LRRC4C: variants seen among roughly 807,000 people sequenced by gnomAD.
LRRC4C encodes the protein leucine-rich repeat-containing protein 4C.
LRRC4C carries 5 observed loss-of-function variants against 33.6 expected under a neutral mutation model. The observed-to-expected ratio is 0.15, with a 90% CI of 0.08 to 0.31. The LOEUF (loss-of-function observed/expected upper bound fraction) is 0.31, where lower values mean the gene tolerates loss of function less well. Ranked by LOEUF, LRRC4C falls within the 10% of genes least tolerant of loss-of-function variation. LRRC4C has a pLI of 1.00. For missense variants in LRRC4C, 560 were observed against 796.7 expected, an observed-to-expected ratio of 0.70 and a Z score of 3.58; for synonymous variants, 329 against 302.0, an observed-to-expected ratio of 1.09 and a Z score of -0.93.
intron 1 of LRRC4C, among the ~76,000 whole-genome samples, chr11:40,953,464 A>C (rs1958808990): frequency 6.6e-6 from 1 of 151,888 alleles, no homozygotes. Flanking sequence ...ACCTCTGAAT[A>C]CATTGCATTA....
intron 1 of LRRC4C, chr11:41,394,583 TA>T (rs1053229444): frequency 6.6e-6 from 1 of 151,960 alleles, no homozygotes; most frequent in Non-Finnish European, 1.5e-5. Flanking sequence ...ATCCTTGTGG[TA>T]AAAAACACCA....
chr11:40,644,946 GT>G (rs10653957), intron 3 of LRRC4C, among the ~76,000 whole-genome samples: 100 of 145,608 alleles, frequency 6.9e-4, no homozygotes, highest in East Asian at 5.6e-3. Flanking sequence ...GGATCTCTGT[GT>G]TTTTTTTTTT....
intron 2 of LRRC4C, among the ~76,000 whole-genome samples, chr11:40,905,048 G>T (rs1956359925): frequency 1.3e-5 from 2 of 152,030 alleles, no homozygotes; most frequent in Non-Finnish European, 2.9e-5. Context: ...ACTCATCTTG[G>T]GAGTGAGAGA....
chr11:41,046,685 C>A (rs1351823453), intron 1 of LRRC4C, among the ~76,000 whole-genome samples: 1 of 152,100 alleles, frequency 6.6e-6, no homozygotes, highest in South Asian at 2.1e-4. Flanking sequence ...AAACATCCAG[C>A]GTTTGCACTT....
intron 3 of LRRC4C, among the ~76,000 whole-genome samples, chr11:40,354,322 G>A (rs921559687): frequency 6.6e-6 from 1 of 150,716 alleles, no homozygotes; most frequent in Non-Finnish European, 1.5e-5. Flanking sequence ...CAAAACCTCT[G>A]GCAACCACTG....
intron 1 of LRRC4C, among the ~76,000 whole-genome samples, chr11:41,226,700 C>T (rs1370554605): frequency 6.6e-6 from 1 of 150,944 alleles, no homozygotes; most frequent in Admixed American, 6.6e-5. Context: ...CCCCTTGCTA[C>T]TGGTCCATTC....
chr11:41,038,029 A>G (rs921161506), intron 1 of LRRC4C, among the ~76,000 whole-genome samples: 3 of 152,228 alleles, frequency 2.0e-5, no homozygotes, highest in Admixed American at 6.5e-5. Flanking sequence ...CACAAAAATT[A>G]TTATTTCTAA....
chr11:40,688,065 A>G (rs185597411), intron 2 of LRRC4C, among the ~76,000 whole-genome samples: 6 of 152,192 alleles, frequency 3.9e-5, no homozygotes, highest in Admixed American at 3.9e-4. Context: ...ATGGGAGCTT[A>G]CAAAAATAAT....
At chr11:40,803,718 C>G (rs1475736299) in intron 2 of LRRC4C, among the ~76,000 whole-genome samples, 4 of 152,114 alleles carry the variant, frequency 2.6e-5, no homozygotes, top group African/African-American at 7.2e-5. Context: ...CGTGGTCCAC[C>G]CGCCTCGGCC....
intron 1 of LRRC4C, among the ~76,000 whole-genome samples, chr11:41,413,194 GAA>G (rs1954554954): frequency 6.6e-6 from 1 of 152,050 alleles, no homozygotes. Flanking sequence ...ACAAGGAATG[GAA>G]AAAGTCTCAA....
Position 40,985,313 on chromosome 11 carries a change from T to G in LRRC4C, c.-495-51590A>C, listed in dbSNP as rs1250342869. Among the ~76,000 whole-genome samples the G allele has an allele frequency of 3.9e-5, 6 of 152,122 alleles. No individual in the cohort carries two copies. In the East Asian group the frequency reaches 1.2e-3, roughly 29 times the overall value. On this transcript the variant is annotated intron_variant, in intron 1 of 6. Transcript: ENST00000528697. ...ATGGGTTTTTCTTCCGCTGAGTGAC[T>G]GAAAGATACATTTATCTTCCTTTTT...
intron 1 of LRRC4C, among the ~76,000 whole-genome samples, chr11:41,318,979 C>T (rs751439383): frequency 1.4e-4 from 21 of 152,182 alleles, no homozygotes; most frequent in South Asian, 2.1e-4. Context: ...CTGAACATAA[C>T]GGAACCTCAA....
chr11:41,117,719 C>T (rs1217344286), intron 1 of LRRC4C, among the ~76,000 whole-genome samples: 1 of 151,960 alleles, frequency 6.6e-6, no homozygotes, highest in African/African-American at 2.4e-5. Context: ...TGGTCTTTTG[C>T]CCCTACCCTC....
chr11:41,249,784 T>G (rs1285475888), intron 1 of LRRC4C, among the ~76,000 whole-genome samples: 2 of 152,216 alleles, frequency 1.3e-5, no homozygotes, highest in Non-Finnish European at 2.9e-5. Context: ...TCATTTTTAG[T>G]GACTTTATTC....
intron 4 of LRRC4C, among the ~76,000 whole-genome samples, chr11:40,281,280 CT>C (rs1943456428): frequency 6.6e-6 from 1 of 152,062 alleles, no homozygotes; most frequent in Non-Finnish European, 1.5e-5. Flanking sequence ...AATCGGAGTC[CT>C]CTAGATCCCT....
chr11:40,453,218 C>T (rs112610331), intron 3 of LRRC4C, among the ~76,000 whole-genome samples: 20 of 152,124 alleles, frequency 1.3e-4, no homozygotes, highest in African/African-American at 4.8e-4. Context: ...TCTAAACTTG[C>T]CATGGAGCCA....
chr11:40,662,416 C>T (rs1384618544), intron 2 of LRRC4C, among the ~76,000 whole-genome samples: 1 of 152,264 alleles, frequency 6.6e-6, no homozygotes, highest in East Asian at 1.9e-4. Flanking sequence ...GTTATAGCTG[C>T]TCTCAGGAAG....
chr11:40,550,828 A>G (rs1464163932), intron 3 of LRRC4C, among the ~76,000 whole-genome samples: 1 of 151,924 alleles, frequency 6.6e-6, no homozygotes, highest in Non-Finnish European at 1.5e-5. Context: ...AATACCTAAG[A>G]GAAGCCTAAC....
At chr11:41,181,813 T>C (rs1945462900) in intron 1 of LRRC4C, among the ~76,000 whole-genome samples, 1 of 152,220 alleles carries the variant, frequency 6.6e-6, no homozygotes, top group Non-Finnish European at 1.5e-5. Context: ...TTTCCTAATG[T>C]TTAAAAGCAA....
Sources: allele counts gnomAD v4.1 joint callset (sites outside exome capture counted in the v4.1 genomes callset), GRCh38; gene constraint gnomAD v4.1.1; transcripts MANE v1.5; gene names NCBI Gene and HGNC (gene_info 2026-07-23, HGNC 2026-07-21).